CYSTM1: variants seen among roughly 807,000 people sequenced by gnomAD.
CYSTM1 encodes cysteine rich transmembrane module containing 1.
In CYSTM1, 4 loss-of-function variants were observed where a neutral mutation model predicts 13.1. That is an observed-to-expected ratio of 0.31 (90% CI 0.15 to 0.70). CYSTM1 has a LOEUF of 0.70. Ranked by LOEUF, CYSTM1 falls within the 30% of genes least tolerant of loss-of-function variation. The probability of loss-of-function intolerance (pLI) is 0.72; values close to 1 mark genes in which losing one functional copy is unlikely to be tolerated. For missense variants in CYSTM1, 96 were observed against 121.6 expected (o/e 0.79, Z 0.99); for synonymous variants, 36 against 42.7 (o/e 0.84, Z 0.62).
chr5:140,211,344 A>G (rs1262223183), intron 2 of CYSTM1, among the ~76,000 whole-genome samples: 1 of 152,238 alleles, frequency 6.6e-6, no homozygotes, highest in Admixed American at 6.5e-5. Context: ...TCCAGAGGCT[A>G]TGCTTGTCAG....
chr5:140,243,281 C>T (rs1764774056), intron 2 of CYSTM1, 24 bp from the exon 3 acceptor site: 2 of 1,605,200 alleles, frequency 1.2e-6, no homozygotes, highest in African/African-American at 2.7e-5. Context: ...TCCATTCTCA[C>T]CCTCTTCCCT....
At chr5:140,178,446 T>TTTTTTTTTTTTTTTTTTTG (rs1763918927) in intron 1 of CYSTM1, among the ~76,000 whole-genome samples, 1 of 141,440 alleles carries the variant, frequency 7.1e-6, no homozygotes, top group Non-Finnish European at 1.5e-5. Context: ...CCTTCCTTTT[T>TTTTTTTTTTTTTTTTTTTG]TTTTTTTTTT....
In CYSTM1 at chr5:140,219,605, A is replaced by G. The variant is rs1231555705; in HGVS notation, c.188-23700A>G. 6.6e-6 allele frequency among the ~76,000 whole-genome samples: 1 copy of G among 152,244 alleles called. No homozygotes were observed. Among genetic ancestry groups the G allele is most frequent in the Non-Finnish European group, 1.5e-5 (1 of 68,046 alleles). ...CATAAAATTAAGCCTGGCAGTAGAA[A>G]AAGAAAACAACCTGCGGTGCTTTGC... On this transcript the variant is annotated intron_variant, in intron 2 of 2. Transcript: ENST00000261811. This position sits in a 1 kb window ranked among gnomAD's most constrained non-coding sequence, Gnocchi z 4.1.
At chr5:140,222,440 T>C (rs1286360407) in intron 2 of CYSTM1, among the ~76,000 whole-genome samples, 1 of 152,214 alleles carries the variant, frequency 6.6e-6, no homozygotes, top group Admixed American at 6.5e-5. Flanking sequence ...CCAGGCCACT[T>C]AGGAAGTAGA....
intron 2 of CYSTM1, among the ~76,000 whole-genome samples, chr5:140,240,016 C>G (rs925757112): frequency 1.3e-5 from 2 of 152,040 alleles, no homozygotes; most frequent in African/African-American, 2.4e-5. Context: ...GGAGCTGGAA[C>G]CCAGCTCCGG....
At chr5:140,186,217 T>C (rs1029010628) in intron 1 of CYSTM1, among the ~76,000 whole-genome samples, 2 of 152,208 alleles carry the variant, frequency 1.3e-5, no homozygotes, top group African/African-American at 4.8e-5. Context: ...ATTATTAAGT[T>C]TGTCAATAGT....
intron 2 of CYSTM1, among the ~76,000 whole-genome samples, chr5:140,207,116 G>A (rs1764308214): frequency 6.6e-6 from 1 of 152,222 alleles, no homozygotes; most frequent in Non-Finnish European, 1.5e-5. Flanking sequence ...AGCTGGGTCT[G>A]TCAGAGGCTT....
intron 2 of CYSTM1, among the ~76,000 whole-genome samples, chr5:140,226,613 A>G (rs67556335): frequency 1.2e-5 from 1 of 85,322 alleles, no homozygotes; most frequent in African/African-American, 4.6e-5. Flanking sequence ...TATATATATA[A>G]AAATTAGCCA....
At chr5:140,234,977 T>G (rs1764662260) in intron 2 of CYSTM1, among the ~76,000 whole-genome samples, 1 of 151,910 alleles carries the variant, frequency 6.6e-6, no homozygotes, top group South Asian at 2.1e-4. Flanking sequence ...TAATTTTTTT[T>G]TTTTTTTTTG....
intron 1 of CYSTM1, among the ~76,000 whole-genome samples, chr5:140,191,660 T>C (rs1764097254): frequency 6.6e-6 from 1 of 152,242 alleles, no homozygotes; most frequent in East Asian, 1.9e-4. Flanking sequence ...GTCCAGACTT[T>C]GCTAGAGTGA....
At chr5:140,211,792 CA>C (rs1764370950) in intron 2 of CYSTM1, among the ~76,000 whole-genome samples, 1 of 152,088 alleles carries the variant, frequency 6.6e-6, no homozygotes, top group African/African-American at 2.4e-5. Context: ...ACCAAAAATA[CA>C]AAAATTAGCC....
chr5:140,217,591 C>T (rs182421928), intron 2 of CYSTM1, among the ~76,000 whole-genome samples: 52 of 152,326 alleles, frequency 3.4e-4, no homozygotes, highest in African/African-American at 1.2e-3. Context: ...GGACTACCCT[C>T]AGCCCCTTTC....
rs568162890 is a variant in CYSTM1, at chr5:140,230,672, T to C, written c.188-12633T>C. On this transcript the variant is annotated intron_variant, in intron 2 of 2. Transcript: ENST00000261811. This position sits in a 1 kb window ranked among gnomAD's most constrained non-coding sequence, Gnocchi z 4.1. ...TTCTAACAGATTTCACTCAGTTCTT[T>C]TGCCTCATAAGCAGAGGCGTTTCAG... 9.5e-4 allele frequency among the ~76,000 whole-genome samples: 145 copies of C among 152,368 alleles called. 1 individual carries two copies. In the Middle Eastern group the frequency reaches 0.014, roughly 14 times the overall value.
rs1581069717 is a variant in CYSTM1, at chr5:140,222,604, G to C, written c.188-20701G>C. Among the ~76,000 whole-genome samples the C allele has an allele frequency of 5.3e-5, 8 of 152,376 alleles. 1 individual carries two copies. Among genetic ancestry groups the C allele is most frequent in the Admixed American group, 5.2e-4 (8 of 15,310 alleles). ...CAGTTCCAGTGTACTGGTAGACTTTGAACTCATGACGTGGTAAGGACCTAG... is the reference window on the plus strand; with the variant it reads ...CAGTTCCAGTGTACTGGTAGACTTTCAACTCATGACGTGGTAAGGACCTAG... On this transcript the variant is annotated intron_variant, in intron 2 of 2. Coordinates refer to ENST00000261811, the MANE Select transcript of CYSTM1 (RefSeq NM_032412.4).
chr5:140,208,305 G>A (rs1764322315), intron 2 of CYSTM1, among the ~76,000 whole-genome samples: 1 of 152,218 alleles, frequency 6.6e-6, no homozygotes, highest in South Asian at 2.1e-4. Context: ...GATGGAACTG[G>A]AGGCCATTAT....
At chr5:140,226,678 A>C (rs1764561247) in intron 2 of CYSTM1, among the ~76,000 whole-genome samples, 1 of 139,216 alleles carries the variant, frequency 7.2e-6, no homozygotes, top group Non-Finnish European at 1.5e-5. Context: ...AGGCAGGATA[A>C]TCACTTGAAC....
chr5:140,232,582 G>A (rs1764629436), intron 2 of CYSTM1, among the ~76,000 whole-genome samples: 1 of 152,196 alleles, frequency 6.6e-6, no homozygotes, highest in Admixed American at 6.5e-5. Flanking sequence ...GAACGCAAAA[G>A]TGTCTACACT....
At position 140,178,441 on chromosome 5, in the gene CYSTM1, C is replaced by CTTTTTTTTTTTTTTTTT. The variant is rs577709524; in HGVS notation, c.-21+3165_-21+3181dup. On this transcript the variant is annotated intron_variant, in intron 1 of 2. Transcript: ENST00000261811. Reference sequence around the variant, plus strand: ...TGGAAAAGCCCTATTCAAGTCCTTCCTTTTTTTTTTTTTTTTTTTTTTTTT... The same window carrying CTTTTTTTTTTTTTTTTT: ...TGGAAAAGCCCTATTCAAGTCCTTCCTTTTTTTTTTTTTTTTTTTTTTTTTTTTTTTTTTTTTTTTTT... Among the ~76,000 whole-genome samples the CTTTTTTTTTTTTTTTTT allele has an allele frequency of 9.8e-3, 514 of 52,670 alleles. 53 individuals are homozygous for CTTTTTTTTTTTTTTTTT. The highest frequency in any genetic ancestry group is 0.012 in the Non-Finnish European group (368 of 30,436). The allele number at this position is 52,670 out of a possible 152,430, so 34.6% of individuals were successfully genotyped here.
At position 140,179,955 on chromosome 5, in the gene CYSTM1, G is replaced by A. The variant is rs367567338; in HGVS notation, c.-21+4670G>A. Among the ~76,000 whole-genome samples, 141 of 152,220 alleles carry A rather than the reference G, an allele frequency of 9.3e-4. 2 individuals are homozygous for A. The highest frequency in any genetic ancestry group is 8.2e-4 in the African/African-American group (34 of 41,548). On this transcript the variant is annotated intron_variant, in intron 1 of 2. Coordinates refer to ENST00000261811, the MANE Select transcript of CYSTM1 (RefSeq NM_032412.4). Reference sequence around the variant, plus strand: ...TGGGATTACAGACGTGAGTCACCGCGCCCAGCCTCACTCTCTTTTTTCTTT... The same window carrying A: ...TGGGATTACAGACGTGAGTCACCGCACCCAGCCTCACTCTCTTTTTTCTTT...
Sources: gnomAD v4.1 joint callset for allele counts (sites outside exome capture counted in the v4.1 genomes callset) on GRCh38, gnomAD v4.1.1 for gene constraint, Gnocchi (gnomAD v3.1) non-coding constraint, MANE v1.5 for transcripts, NCBI Gene and HGNC (gene_info 2026-07-23, HGNC 2026-07-21) for gene names.